Variants in SYNDIG1 observed in about 807,000 individuals in gnomAD.
SYNDIG1 encodes synapse differentiation inducing 1.
Under a neutral mutation model 19.4 loss-of-function variants are expected in SYNDIG1, and 9 were observed. The observed-to-expected ratio is 0.46, with a 90% CI of 0.28 to 0.81. The LOEUF (loss-of-function observed/expected upper bound fraction) is 0.81, where lower values mean the gene tolerates loss of function less well. SYNDIG1 is among the 30% of genes least tolerant of loss of function. The pLI is 0.12. For missense variants in SYNDIG1, 311 were observed against 343.3 expected, an observed-to-expected ratio of 0.91 and a Z score of 0.74; for synonymous variants, 141 against 145.9, an observed-to-expected ratio of 0.97 and a Z score of 0.24.
At chr20:24,642,178 T>C (rs2059384432) in intron 3 of SYNDIG1, among the ~76,000 whole-genome samples, 1 of 152,356 alleles carries the variant, frequency 6.6e-6, no homozygotes, top group Non-Finnish European at 1.5e-5. Context: ...CAAATAAGTT[T>C]CCTTGTTTTT....
chr20:24,610,937 A>G (rs1012121423), intron 3 of SYNDIG1, among the ~76,000 whole-genome samples: 4 of 152,154 alleles, frequency 2.6e-5, no homozygotes, highest in Admixed American at 2.0e-4. Flanking sequence ...ACAGGAAATG[A>G]GTTGAACTGG....
chr20:24,617,076 A>G (rs1355338625), intron 3 of SYNDIG1, among the ~76,000 whole-genome samples: 1 of 152,120 alleles, frequency 6.6e-6, no homozygotes, highest in African/African-American at 2.4e-5. Context: ...GTAGCTGCTT[A>G]AGTCACTCAG....
At chr20:24,582,292 G>T (rs1313706310) in intron 2 of SYNDIG1, among the ~76,000 whole-genome samples, 1 of 79,970 alleles carries the variant, frequency 1.3e-5, no homozygotes, top group African/African-American at 5.4e-5. Context: ...CCCCCTTGAC[G>T]TCCTCCCCAT....
intron 3 of SYNDIG1, among the ~76,000 whole-genome samples, chr20:24,659,328 T>C (rs1265615014): frequency 6.6e-6 from 1 of 152,236 alleles, no homozygotes; most frequent in Non-Finnish European, 1.5e-5. Flanking sequence ...TGGAAATGTT[T>C]CTGGAGAGCA....
intron 3 of SYNDIG1, among the ~76,000 whole-genome samples, chr20:24,594,715 A>G (rs569689630): frequency 6.6e-6 from 1 of 152,116 alleles, no homozygotes; most frequent in African/African-American, 2.4e-5. Flanking sequence ...GCAGCATTTT[A>G]TAATTCTCAT....
chr20:24,577,932 G>A (rs2058256350), intron 2 of SYNDIG1, among the ~76,000 whole-genome samples: 1 of 152,228 alleles, frequency 6.6e-6, no homozygotes, highest in Admixed American at 6.5e-5. Flanking sequence ...TAGGCCCAAA[G>A]GAAGGTGGAG....
At chr20:24,499,217 G>T (rs2056381748) in intron 1 of SYNDIG1, among the ~76,000 whole-genome samples, 1 of 152,162 alleles carries the variant, frequency 6.6e-6, no homozygotes, top group African/African-American at 2.4e-5. Flanking sequence ...TAGACATGGG[G>T]TTTCACCATG....
chr20:24,611,264 C>T (rs369816536), intron 3 of SYNDIG1, among the ~76,000 whole-genome samples: 3 of 152,162 alleles, frequency 2.0e-5, no homozygotes, highest in African/African-American at 7.2e-5. Flanking sequence ...GTTCTCATGA[C>T]CTGCCTCTTT....
chr20:24,470,314 C>G (rs2055387147), intron 1 of SYNDIG1, among the ~76,000 whole-genome samples: 1 of 152,156 alleles, frequency 6.6e-6, no homozygotes, highest in Non-Finnish European at 1.5e-5. Context: ...CCGAGCGGAG[C>G]GGCAGGCAAG....
chr20:24,613,744 G>T (rs185309744), intron 3 of SYNDIG1, among the ~76,000 whole-genome samples: 2 of 152,182 alleles, frequency 1.3e-5, no homozygotes, highest in African/African-American at 4.8e-5. Context: ...CTACAGTGGG[G>T]ACTTCAGGGA....
chr20:24,482,461 G>A (rs2055826223), intron 1 of SYNDIG1, among the ~76,000 whole-genome samples: 2 of 152,198 alleles, frequency 1.3e-5, no homozygotes, highest in African/African-American at 4.8e-5. Context: ...GATTCCAGTT[G>A]CTCAGTAAAG....
At chr20:24,553,986 G>C (rs1452620694) in intron 2 of SYNDIG1, among the ~76,000 whole-genome samples, 1 of 152,128 alleles carries the variant, frequency 6.6e-6, no homozygotes, top group Non-Finnish European at 1.5e-5. Context: ...TTATTTCATT[G>C]AACAGTGGTT....
At chr20:24,477,045 G>T (rs549929158) in intron 1 of SYNDIG1, among the ~76,000 whole-genome samples, 12 of 152,364 alleles carry the variant, frequency 7.9e-5, no homozygotes, top group East Asian at 7.7e-4. Flanking sequence ...GACATGAAAT[G>T]TATCTGTTGA....
At chr20:24,475,818 T>C (rs1015296052) in intron 1 of SYNDIG1, among the ~76,000 whole-genome samples, 6 of 152,174 alleles carry the variant, frequency 3.9e-5, no homozygotes, top group Non-Finnish European at 8.8e-5. Flanking sequence ...TTGTGACAAG[T>C]GGCTCCACAA....
At chr20:24,489,446 CAG>C (rs1177111664) in intron 1 of SYNDIG1, among the ~76,000 whole-genome samples, 3 of 151,494 alleles carry the variant, frequency 2.0e-5, no homozygotes, top group South Asian at 2.1e-4. Context: ...CATGCACACA[CAG>C]ACACATGCAC....
intron 1 of SYNDIG1, among the ~76,000 whole-genome samples, chr20:24,518,259 T>A (rs1189290793): frequency 1.3e-5 from 2 of 151,984 alleles, no homozygotes; most frequent in Non-Finnish European, 2.9e-5. Context: ...CTGTGCTAAA[T>A]AATATTCTCG....
intron 1 of SYNDIG1, among the ~76,000 whole-genome samples, chr20:24,533,032 C>T (rs1408703571): frequency 6.6e-6 from 1 of 152,024 alleles, no homozygotes; most frequent in Admixed American, 6.5e-5. Context: ...TTCCCCAGCA[C>T]GTGGGAGAGA....
chr20:24,612,217 C>A (rs527523708), intron 3 of SYNDIG1, among the ~76,000 whole-genome samples: 1 of 152,222 alleles, frequency 6.6e-6, no homozygotes, highest in Non-Finnish European at 1.5e-5. Context: ...CCTCCCAAGA[C>A]TTTTCTTTTC....
intron 3 of SYNDIG1, among the ~76,000 whole-genome samples, chr20:24,626,162 C>G (rs1343041645): frequency 6.8e-6 from 1 of 146,228 alleles, no homozygotes; most frequent in East Asian, 2.1e-4. Context: ...GCTGGCCGGG[C>G]AGGGGGCTGA....
Sources: gnomAD v4.1 joint callset for allele counts (sites outside exome capture counted in the v4.1 genomes callset) on GRCh38, gnomAD v4.1.1 for gene constraint, MANE v1.5 for transcripts, NCBI Gene and HGNC (gene_info 2026-07-23, HGNC 2026-07-21) for gene names.